Variants in PABPC4L observed in about 807,000 individuals in gnomAD.
PABPC4L encodes polyadenylate-binding protein 4-like.
For synonymous variants in PABPC4L, 169 were observed against 164.1 expected (o/e 1.03, Z -0.23); for missense variants, 452 against 451.4 (o/e 1.00, Z -0.01).
chr4:134,182,959 GATGTT>G, the PABPC4L span, among the ~76,000 whole-genome samples: 1 of 151,886 alleles, frequency 6.6e-6, no homozygotes, highest in Non-Finnish European at 1.5e-5. Context: ...CAAAATAACA[GATGTT>G]TGTGAGGCTG....
At chr4:134,190,374 T>C in the PABPC4L span, among the ~76,000 whole-genome samples, 1 of 152,070 alleles carries the variant, frequency 6.6e-6, no homozygotes, top group East Asian at 1.9e-4. Flanking sequence ...ATCTCTCATG[T>C]TTTTAACAGA....
downstream of PABPC4L, among the ~76,000 whole-genome samples, chr4:134,195,217 T>A (rs1055394164): frequency 6.6e-6 from 1 of 151,744 alleles, no homozygotes; most frequent in Non-Finnish European, 1.5e-5. Flanking sequence ...AGGCATGTCT[T>A]TGATTAACAA....
chr4:134,032,870 C>T, the PABPC4L span, among the ~76,000 whole-genome samples: 4 of 151,744 alleles, frequency 2.6e-5, no homozygotes, highest in African/African-American at 9.7e-5. Flanking sequence ...AGTTTTTATG[C>T]TGTGACCATT....
At chr4:134,060,686 C>A in the PABPC4L span, among the ~76,000 whole-genome samples, 1 of 151,736 alleles carries the variant, frequency 6.6e-6, no homozygotes, top group Non-Finnish European at 1.5e-5. Context: ...CCCTAAATAA[C>A]CATCAGCAAT....
chr4:134,015,511 T>C, the PABPC4L span, among the ~76,000 whole-genome samples: 1 of 152,152 alleles, frequency 6.6e-6, no homozygotes, highest in Non-Finnish European at 1.5e-5. Flanking sequence ...CTCAGCAAAT[T>C]ACCTGGGCTG....
the PABPC4L span, among the ~76,000 whole-genome samples, chr4:134,130,479 G>C: frequency 6.6e-6 from 1 of 151,920 alleles, no homozygotes; most frequent in Non-Finnish European, 1.5e-5. Context: ...GTTTAAACCA[G>C]GAAGAAATAG....
At chr4:134,029,513 G>C in the PABPC4L span, among the ~76,000 whole-genome samples, 1 of 152,028 alleles carries the variant, frequency 6.6e-6, no homozygotes, top group Non-Finnish European at 1.5e-5. Context: ...ATTTTTAAAA[G>C]TGGCAAGAAG....
the PABPC4L span, among the ~76,000 whole-genome samples, chr4:134,004,813 T>C: frequency 6.6e-6 from 1 of 151,780 alleles, no homozygotes; most frequent in Non-Finnish European, 1.5e-5. Context: ...TCCAACAACA[T>C]GGATGAGTCT....
the PABPC4L span, among the ~76,000 whole-genome samples, chr4:134,097,649 C>A: frequency 6.6e-6 from 1 of 151,878 alleles, no homozygotes; most frequent in Non-Finnish European, 1.5e-5. Flanking sequence ...TGCTTGAGTG[C>A]CTGTCAGGTG....
chr4:134,095,596 T>C, the PABPC4L span, among the ~76,000 whole-genome samples: 1 of 152,010 alleles, frequency 6.6e-6, no homozygotes, highest in Non-Finnish European at 1.5e-5. Context: ...TATTCAAATC[T>C]GCAACTTCTA....
At chr4:134,020,361 C>T in the PABPC4L span, among the ~76,000 whole-genome samples, 2 of 152,030 alleles carry the variant, frequency 1.3e-5, no homozygotes, top group South Asian at 2.1e-4. Context: ...GATTAATTTT[C>T]TTAATTACTG....
the PABPC4L span, among the ~76,000 whole-genome samples, chr4:134,187,402 A>T: frequency 1.3e-4 from 20 of 152,078 alleles, no homozygotes; most frequent in Middle Eastern, 3.4e-3. Flanking sequence ...AGGGACATGG[A>T]TGAAGCTGGA....
chr4:133,956,097 G>GT, the PABPC4L span, among the ~76,000 whole-genome samples: 1 of 151,782 alleles, frequency 6.6e-6, no homozygotes, highest in African/African-American at 2.4e-5. Flanking sequence ...AATCATAAGG[G>GT]TTTTTCTCAT....
chr4:134,024,752 T>TA, the PABPC4L span, among the ~76,000 whole-genome samples: 1 of 151,288 alleles, frequency 6.6e-6, no homozygotes, highest in East Asian at 1.9e-4. Context: ...AGATTTTTTT[T>TA]AATAAGTTCT....
At chr4:134,099,528 A>AT in the PABPC4L span, among the ~76,000 whole-genome samples, 2 of 151,684 alleles carry the variant, frequency 1.3e-5, no homozygotes, top group African/African-American at 2.4e-5. Context: ...ACAAAAACAT[A>AT]TTTTTTCTTC....
chr4:134,094,499 A>G, the PABPC4L span, among the ~76,000 whole-genome samples: 1 of 151,970 alleles, frequency 6.6e-6, no homozygotes, highest in Non-Finnish European at 1.5e-5. Flanking sequence ...GAAAGTATAG[A>G]ACACTTCTGA....
the PABPC4L span, among the ~76,000 whole-genome samples, chr4:134,154,923 A>G: frequency 6.6e-6 from 1 of 152,208 alleles, no homozygotes; most frequent in South Asian, 2.1e-4. Context: ...TAAAGTGATA[A>G]AACACTATAG....
the PABPC4L span, among the ~76,000 whole-genome samples, chr4:133,987,976 G>A: frequency 0.18 from 27,883 of 152,084 alleles, 5,797 homozygotes; most frequent in East Asian, 0.48. Context: ...CATGGTGGCA[G>A]CAAGAAGTGC....
the PABPC4L span, among the ~76,000 whole-genome samples, chr4:134,102,169 T>C: frequency 6.6e-5 from 10 of 151,518 alleles, no homozygotes; most frequent in East Asian, 1.7e-3. Context: ...GTTAACTAAG[T>C]AGTTAAACAA....
Sources: allele counts gnomAD v4.1 joint callset (sites outside exome capture counted in the v4.1 genomes callset), GRCh38; gene constraint gnomAD v4.1.1; transcripts MANE v1.5; gene names NCBI Gene and HGNC (gene_info 2026-07-23, HGNC 2026-07-21).